SGPP2: variants seen among roughly 807,000 people sequenced by gnomAD.
The protein encoded by SGPP2 is sphingosine 1-phosphate phosphohydrolase 2.
A neutral mutation model predicts 33.9 loss-of-function variants in SGPP2; 30 were observed. That is an observed-to-expected ratio of 0.89 (90% CI 0.66 to 1.20). The LOEUF (loss-of-function observed/expected upper bound fraction) is 1.20. Among genes scored for constraint, SGPP2 ranks in the 50% most tolerant of loss-of-function variants. The pLI, the probability that SGPP2 is intolerant of heterozygous loss-of-function variation, is 0.00. For missense variants in SGPP2, 458 were observed against 532.1 expected (o/e 0.86, Z 1.37); for synonymous variants, 233 against 225.0 (o/e 1.04, Z -0.32).
At chr2:222,519,165 G>A (rs1248828637) in intron 2 of SGPP2, among the ~76,000 whole-genome samples, 1 of 152,192 alleles carries the variant, frequency 6.6e-6, no homozygotes, top group Non-Finnish European at 1.5e-5. Context: ...TATGTTTTGT[G>A]ATTAAAGCCC....
Position 222,558,890 on chromosome 2 carries a change from T to C in SGPP2, c.1192T>C (p.Leu398=). 1 of 1,603,474 alleles carries C rather than the reference T, an allele frequency of 6.2e-7. No individual in the cohort carries two copies. Among genetic ancestry groups the C allele is most frequent in the East Asian group, 2.2e-5 (1 of 44,528 alleles). Residue 398 remains leucine (L), a synonymous_variant, in exon 5 of 5, where the codon TTA becomes CTA. Coordinates refer to ENST00000321276, the MANE Select transcript of SGPP2 (RefSeq NM_152386.4). ...GCCGATGCTTCACAGGTTTCTGGGA[T>C]TACCCTGAGTCTCAAACAGTTGGAA... The part of the protein sequence containing the change: ...FVPMLHRFLG[L]P
intron 2 of SGPP2, among the ~76,000 whole-genome samples, chr2:222,502,516 C>T (rs1172287977): frequency 3.9e-5 from 6 of 152,180 alleles, no homozygotes; most frequent in African/African-American, 1.4e-4. Context: ...ATGTGAAGAA[C>T]TCCCATGAGT....
Position 222,460,607 on chromosome 2 carries a change from C to A in SGPP2, c.220-13961C>A, listed in dbSNP as rs1222351694. On this transcript the variant is annotated intron_variant, in intron 1 of 4. Transcript: ENST00000321276. This position sits in a 1 kb window ranked among gnomAD's most constrained non-coding sequence, Gnocchi z 4.3. Reference sequence around the variant, plus strand: ...GCACTTTCAAAGGCTCCCTATTACCCAAGTTCTAAACCCAGCCTCCTTATT... The same window carrying A: ...GCACTTTCAAAGGCTCCCTATTACCAAAGTTCTAAACCCAGCCTCCTTATT... 6.6e-6 allele frequency among the ~76,000 whole-genome samples: 1 copy of A among 152,192 alleles called. No homozygotes were observed. Among genetic ancestry groups the A allele is most frequent in the East Asian group, 1.9e-4 (1 of 5,200 alleles).
rs1387453626 is a variant in SGPP2 at position 222,465,838 on chromosome 2, G to A, written c.220-8730G>A. 6.6e-6 allele frequency among the ~76,000 whole-genome samples: 1 copy of A among 152,094 alleles called. No individual in the cohort carries two copies. Among genetic ancestry groups the A allele is most frequent in the African/African-American group, 2.4e-5 (1 of 41,418 alleles). On this transcript the variant is annotated intron_variant, in intron 1 of 4. Coordinates refer to ENST00000321276, the MANE Select transcript of SGPP2 (RefSeq NM_152386.4). The surrounding 1 kb of genome is among the most constrained non-coding windows in gnomAD (Gnocchi z 4.1). Reference sequence around the variant, plus strand: ...CCTCCTGCTTGGGGCCTTTCACTAAGTGTTCTCTCTCTGACCCGCAGACCC... The same window carrying A: ...CCTCCTGCTTGGGGCCTTTCACTAAATGTTCTCTCTCTGACCCGCAGACCC...
intron 2 of SGPP2, among the ~76,000 whole-genome samples, chr2:222,475,962 G>GGCCT (rs1697926804): frequency 6.6e-6 from 1 of 152,192 alleles, no homozygotes; most frequent in Non-Finnish European, 1.5e-5. Flanking sequence ...CTGGCATGTG[G>GGCCT]AGGACTCTGC....
At chr2:222,453,486 A>G (rs573366332) in intron 1 of SGPP2, among the ~76,000 whole-genome samples, 6 of 152,268 alleles carry the variant, frequency 3.9e-5, no homozygotes, top group African/African-American at 7.2e-5. Context: ...CAAAATGTCA[A>G]TGACAGATTT....
Position 222,524,951 on chromosome 2 carries a change from T to C in SGPP2, c.566T>C (p.Phe189Ser). Residue 189 changes from phenylalanine (F) to serine (S), a missense_variant, in exon 4 of 5, where the codon TTT becomes TCT. Physicochemically the swap from Phe to Ser is radical, Grantham distance 155. Coordinates refer to ENST00000321276, the MANE Select transcript of SGPP2 (RefSeq NM_152386.4). ...ISTMDRYQYPFVLGLVMAVVF... is the reference protein window; with the variant it reads ...ISTMDRYQYPSVLGLVMAVVF... ...TTTCTCCTTCCCCCACAGTATCCAT[T>C]TGTGTTGGGACTGGTGATGGCCGTG... 2 of 1,613,838 alleles carry C rather than the reference T, an allele frequency of 1.2e-6. No homozygotes were observed. Among genetic ancestry groups the C allele is most frequent in the Non-Finnish European group, 1.7e-6 (2 of 1,179,798 alleles).
chr2:222,435,205 T>A (rs1697221975), intron 1 of SGPP2, among the ~76,000 whole-genome samples: 1 of 151,292 alleles, frequency 6.6e-6, no homozygotes, highest in South Asian at 2.1e-4. Flanking sequence ...GAACTTGGAG[T>A]CTAATGTTTG....
intron 4 of SGPP2, among the ~76,000 whole-genome samples, chr2:222,549,264 G>A (rs565680108): frequency 2.6e-5 from 4 of 152,188 alleles, no homozygotes; most frequent in African/African-American, 4.8e-5. Flanking sequence ...TCTCACTAGC[G>A]CTAACCTTGT....
intron 4 of SGPP2, among the ~76,000 whole-genome samples, chr2:222,557,778 C>T (rs1017701811): frequency 2.0e-5 from 3 of 152,164 alleles, no homozygotes; most frequent in Admixed American, 2.0e-4. Flanking sequence ...GTTTGAAATC[C>T]TGTCTCTGAA....
chr2:222,450,933 CT>C (rs976301278), intron 1 of SGPP2, among the ~76,000 whole-genome samples: 1 of 151,970 alleles, frequency 6.6e-6, no homozygotes, highest in Non-Finnish European at 1.5e-5. Flanking sequence ...TTTTCTGCAT[CT>C]TTTTTTTAAC....
intron 4 of SGPP2, among the ~76,000 whole-genome samples, chr2:222,533,857 A>T (rs188107609): frequency 6.6e-6 from 1 of 151,610 alleles, no homozygotes; most frequent in East Asian, 1.9e-4. Flanking sequence ...AAGATCTCAC[A>T]TTGGCTGCAC....
Position 222,478,325 on chromosome 2 carries a change from C to T in SGPP2, c.378+3599C>T, listed in dbSNP as rs117280478. ...CGTACGCGTGTTGGGATTAGGGGTGCTCTCTGATGGGCTACAGAGACAATA... is the reference window on the plus strand; with the variant it reads ...CGTACGCGTGTTGGGATTAGGGGTGTTCTCTGATGGGCTACAGAGACAATA... On this transcript the variant is annotated intron_variant, in intron 2 of 4. Coordinates refer to ENST00000321276, the MANE Select transcript of SGPP2 (RefSeq NM_152386.4). Among the ~76,000 whole-genome samples, 284 of 151,162 alleles carry T rather than the reference C, an allele frequency of 1.9e-3. 4 individuals carry two copies. The highest frequency in any genetic ancestry group is 0.015 in the East Asian group (77 of 5,138).
chr2:222,552,592 G>T (rs1218687264), intron 4 of SGPP2, among the ~76,000 whole-genome samples: 1 of 152,178 alleles, frequency 6.6e-6, no homozygotes, highest in Non-Finnish European at 1.5e-5. Context: ...CGGGTTTAGT[G>T]GCTCATGCCT....
At chr2:222,482,524 G>A (rs1414327417) in intron 2 of SGPP2, among the ~76,000 whole-genome samples, 3 of 152,056 alleles carry the variant, frequency 2.0e-5, no homozygotes, top group Admixed American at 1.3e-4. Context: ...AGCCTCCCAA[G>A]TAGCTGGAAC....
At chr2:222,441,559 T>C (rs1318585185) in intron 1 of SGPP2, among the ~76,000 whole-genome samples, 1 of 152,226 alleles carries the variant, frequency 6.6e-6, no homozygotes, top group Non-Finnish European at 1.5e-5. Flanking sequence ...AATATATTTT[T>C]TCAAAAGGAT....
intron 2 of SGPP2, among the ~76,000 whole-genome samples, chr2:222,500,732 T>G (rs1221055408): frequency 6.6e-6 from 1 of 152,262 alleles, no homozygotes; most frequent in Non-Finnish European, 1.5e-5. Context: ...ATCCTGTGAT[T>G]ATGGCTCCCA....
intron 1 of SGPP2, among the ~76,000 whole-genome samples, chr2:222,440,419 T>A (rs1697307590): frequency 6.6e-6 from 1 of 151,966 alleles, no homozygotes; most frequent in South Asian, 2.1e-4. Flanking sequence ...CTCAGCTCAC[T>A]ACAACCTCTG....
chr2:222,438,682 A>C (rs1376945055), intron 1 of SGPP2, among the ~76,000 whole-genome samples: 2 of 152,244 alleles, frequency 1.3e-5, no homozygotes, highest in Non-Finnish European at 2.9e-5. Flanking sequence ...ATCTTACAGT[A>C]ACCCACTGTC....
Sources: gnomAD v4.1 joint callset for allele counts (sites outside exome capture counted in the v4.1 genomes callset) on GRCh38, gnomAD v4.1.1 for gene constraint, Gnocchi (gnomAD v3.1) non-coding constraint, MANE v1.5 for transcripts, NCBI Gene and HGNC (gene_info 2026-07-23, HGNC 2026-07-21) for gene names.